Variants in EMC3 observed in about 807,000 individuals in gnomAD.
EMC3 encodes the protein ER membrane protein complex subunit 3.
Under a neutral mutation model 36.6 loss-of-function variants are expected in EMC3, and 13 were observed. The observed-to-expected ratio is 0.35, with a 90% CI of 0.23 to 0.56. EMC3 has a LOEUF of 0.56. EMC3 is among the 20% of genes least tolerant of loss of function. The probability of loss-of-function intolerance (pLI) is 0.84; values close to 1 mark genes in which losing one functional copy is unlikely to be tolerated. For missense variants in EMC3, 220 were observed against 324.5 expected (o/e 0.68, Z 2.47); for synonymous variants, 120 against 111.9 (o/e 1.07, Z -0.46).
In EMC3 at chr3:9,986,717, A is replaced by T; in HGVS notation, c.-56T>A. ...TGGGCGAGCTTCTCTTCTCCGGGGC[A>T]CAGTTGCTTCTCTTCGGCTTCGCCT... On this transcript the variant is annotated 5_prime_UTR_variant, in exon 1 of 8. Transcript: ENST00000245046. 6.2e-7 allele frequency: 1 copy of T among 1,602,424 alleles called. No individual in the cohort carries two copies. Among genetic ancestry groups the T allele is most frequent in the Non-Finnish European group, 8.5e-7 (1 of 1,173,444 alleles).
chr3:9,976,792 T>C (rs2085854603), intron 3 of EMC3, among the ~76,000 whole-genome samples, 165 bp downstream of exon 3: 1 of 152,174 alleles, frequency 6.6e-6, no homozygotes, highest in South Asian at 2.1e-4. Flanking sequence ...AAAAAGAGAA[T>C]TCCACTTCCA....
rs199556467 is a variant in EMC3, at chr3:9,973,185, G to GT, written c.494+442dup. 5.7e-4 allele frequency among the ~76,000 whole-genome samples: 85 copies of GT among 148,048 alleles called. 2 individuals carry two copies. Among genetic ancestry groups the GT allele is most frequent in the East Asian group, 5.6e-3 (28 of 4,960 alleles). On this transcript the variant is annotated intron_variant, in intron 5 of 7. Coordinates refer to ENST00000245046, the MANE Select transcript of EMC3 (RefSeq NM_001394674.1). ...TTTGGTTTGTGAGGTTTTTGTTTTC[G>GT]TTTTTTGTTTGTTTGTTTGTTTGTT...
At chr3:9,973,308 C>T (rs1025877183) in intron 5 of EMC3, among the ~76,000 whole-genome samples, 2 of 151,956 alleles carry the variant, frequency 1.3e-5, no homozygotes, top group Admixed American at 1.3e-4. Flanking sequence ...AATTCTCCTG[C>T]CTCAGCCTCC....
Position 9,986,596 on chromosome 3 carries a change from G to A in EMC3, c.66C>T (p.Ile22=). 2 of 1,614,240 alleles carry A rather than the reference G, an allele frequency of 1.2e-6. No homozygotes were observed. The highest frequency in any genetic ancestry group is 1.7e-6 in the Non-Finnish European group (2 of 1,180,048). Residue 22 remains isoleucine (I), a synonymous_variant, in exon 1 of 8, where the codon ATC becomes ATT. Transcript: ENST00000245046. The part of the protein sequence containing the change: ...IRLWVVLPIV[I]ITFFVGMIRH... Reference sequence around the variant, plus strand: ...GGATCATGCCTACGAAGAAAGTGATGATAACGATGGGTAGGACCACCCAGA... The same window carrying A: ...GGATCATGCCTACGAAGAAAGTGATAATAACGATGGGTAGGACCACCCAGA...
rs2085857406 is a variant in EMC3, at chr3:9,977,044, A to C, written c.220T>G (p.Leu74Val). ...TTGTTGAAATAATATTTTCGTGTCA[A>C]GAAAGACTAGTAAAAAAAAAAAAAA... Reference protein sequence around the residue: ...NGKYIPKQSFLTRKYYFNNPE... With the variant: ...NGKYIPKQSFVTRKYYFNNPE... Residue 74 changes from leucine (L) to valine (V), a missense_variant, in exon 3 of 8, where the codon TTG (leucine) becomes GTG (valine). Physicochemically the swap from Leu to Val is conservative, Grantham distance 32. Coordinates refer to ENST00000245046, the MANE Select transcript of EMC3 (RefSeq NM_001394674.1). 1 of 1,595,442 alleles carries C rather than the reference A, an allele frequency of 6.3e-7. No homozygotes were observed. Among genetic ancestry groups the C allele is most frequent in the Non-Finnish European group, 8.5e-7 (1 of 1,173,202 alleles).
chr3:9,997,368 C>T (rs1225824351), intron 1 of EMC3, among the ~76,000 whole-genome samples: 3 of 152,164 alleles, frequency 2.0e-5, no homozygotes. Context: ...CCACGCCCAG[C>T]CAGCATATTT....
chr3:9,972,370 T>C, intron 5 of EMC3, among the ~76,000 whole-genome samples: 1 of 150,578 alleles, frequency 6.6e-6, no homozygotes, highest in African/African-American at 2.4e-5. Flanking sequence ...CCCCCAATTG[T>C]GATAGAAAAG....
chr3:10,008,388 C>T, intron 1 of EMC3: 1 of 1,367,084 alleles, frequency 7.3e-7, no homozygotes, highest in Non-Finnish European at 9.8e-7. Context: ...CAGAGAAGGT[C>T]CTTTCAAGTG....
intron 7 of EMC3, chr3:9,969,316 A>G (rs1050065732): frequency 9.0e-7 from 1 of 1,109,380 alleles, no homozygotes; most frequent in Non-Finnish European, 1.1e-6. Flanking sequence ...TTTGTCCCAC[A>G]AAAATCATAC....
At chr3:10,000,672 T>A in intron 1 of EMC3, 1 of 479,288 alleles carries the variant, frequency 2.1e-6, no homozygotes, top group Admixed American at 2.3e-5. Flanking sequence ...AGATAAGCTA[T>A]CAAGCCTGCC....
At chr3:9,971,037 C>T (rs13092901) in intron 5 of EMC3, among the ~76,000 whole-genome samples, 34,191 of 151,722 alleles carry the variant, frequency 0.23, 4,475 homozygotes, top group African/African-American at 0.36. Flanking sequence ...ATTCTCCTGC[C>T]TCAACCTCCT....
chr3:9,988,335 G>A, upstream of EMC3: 1 of 856,392 alleles, frequency 1.2e-6, no homozygotes, highest in Middle Eastern at 2.3e-4. Flanking sequence ...TTTCTGGTAG[G>A]TAGAAGAGTA....
chr3:9,975,845 G>A (rs73015259), intron 3 of EMC3, among the ~76,000 whole-genome samples: 9,998 of 146,910 alleles, frequency 0.068, 434 homozygotes, highest in Non-Finnish European at 0.097. Context: ...AAGATATCTT[G>A]TTTTAATTGA....
upstream of EMC3, chr3:9,988,420 T>A (rs562604162): frequency 3.9e-5 from 53 of 1,363,244 alleles, no homozygotes; most frequent in East Asian, 1.2e-3. Flanking sequence ...TTATTCTCTT[T>A]GATGTAATAA....
intron 1 of EMC3, 149 bp downstream of exon 1, chr3:9,986,358 G>C: frequency 1.2e-6 from 1 of 843,694 alleles, no homozygotes; most frequent in South Asian, 1.6e-5. Flanking sequence ...CCATTTCACA[G>C]AGGACAAAAG....
At chr3:9,975,744 G>A (rs1015171409) in intron 3 of EMC3, among the ~76,000 whole-genome samples, 84 of 150,756 alleles carry the variant, frequency 5.6e-4, no homozygotes, top group African/African-American at 2.0e-3. Flanking sequence ...CCCGGGAGGC[G>A]GAGCCTGCAG....
At chr3:9,997,934 A>G (rs986147069) in intron 1 of EMC3, among the ~76,000 whole-genome samples, 10 of 152,144 alleles carry the variant, frequency 6.6e-5, no homozygotes, top group African/African-American at 2.2e-4. Flanking sequence ...TTGCTGGATC[A>G]TGTGATGAAC....
chr3:9,980,559 T>G (rs1283314820), intron 1 of EMC3, among the ~76,000 whole-genome samples: 2 of 150,138 alleles, frequency 1.3e-5, no homozygotes, highest in Non-Finnish European at 3.0e-5. Flanking sequence ...TTTTTGTTTT[T>G]TTTTTTTTTG....
Position 9,995,215 on chromosome 3 carries a change from A to G in EMC3, c.-241-8313T>C, listed in dbSNP as rs543857703. 2.0e-5 allele frequency among the ~76,000 whole-genome samples: 3 copies of G among 152,030 alleles called. No homozygotes were observed. The East Asian group carries it at 5.8e-4, about 30-fold the overall frequency. On this transcript the variant is annotated intron_variant, in intron 1 of 8. Transcript: ENST00000470827. ...ACTGTCATGATCCATGTTTGCTTGG[A>G]AACATGCAAATCTAGCCTGTACTAT...
Sources: gnomAD v4.1 joint callset for allele counts (sites outside exome capture counted in the v4.1 genomes callset) on GRCh38, gnomAD v4.1.1 for gene constraint, MANE v1.5 for transcripts, NCBI Gene and HGNC (gene_info 2026-07-23, HGNC 2026-07-21) for gene names.